The following FAM107A variants were observed in gnomAD, a reference collection of about 807,000 sequenced individuals.
FAM107A encodes the protein family with sequence similarity 107 member A.
Under a neutral mutation model 13.7 loss-of-function variants are expected in FAM107A, and 19 were observed. That is an observed-to-expected ratio of 1.38 (90% CI 0.97 to 2.03). FAM107A has a LOEUF of 2.03. Ranked by LOEUF, FAM107A falls within the 30% of genes most tolerant of loss-of-function variation. The pLI is 0.00. For synonymous variants in FAM107A, 82 were observed against 74.5 expected, an observed-to-expected ratio of 1.10 and a Z score of -0.52; for missense variants, 203 against 184.4, an observed-to-expected ratio of 1.10 and a Z score of -0.58.
chr3:58,597,186 GA>G (rs2065714484), intron 1 of FAM107A, among the ~76,000 whole-genome samples: 1 of 152,218 alleles, frequency 6.6e-6, no homozygotes, highest in African/African-American at 2.4e-5. Context: ...GGGTCAAAAT[GA>G]GTGCTCATTT....
chr3:58,606,284 C>T (rs186715176), intron 1 of FAM107A, among the ~76,000 whole-genome samples: 31 of 152,164 alleles, frequency 2.0e-4, no homozygotes, highest in Middle Eastern at 3.4e-3. Context: ...TTAGTAGAGG[C>T]GGGGTTTCAC....
chr3:58,612,516 G>T (rs929896142), intron 1 of FAM107A, among the ~76,000 whole-genome samples: 2 of 151,764 alleles, frequency 1.3e-5, no homozygotes, highest in African/African-American at 2.4e-5. Context: ...GGAGGTCGAG[G>T]CTGAAGTGAG....
chr3:58,574,011 G>A (rs562673037), intron 1 of FAM107A, among the ~76,000 whole-genome samples: 7 of 152,320 alleles, frequency 4.6e-5, no homozygotes, highest in East Asian at 1.9e-4. Flanking sequence ...CAAATGCCTC[G>A]TACAGAGTTG....
chr3:58,618,207 C>A (rs928362735), intron 1 of FAM107A, among the ~76,000 whole-genome samples: 1 of 152,162 alleles, frequency 6.6e-6, no homozygotes, highest in African/African-American at 2.4e-5. Flanking sequence ...AAGGCCTTGG[C>A]TTTTGGTGCA....
chr3:58,610,283 A>ACT (rs777482958), intron 1 of FAM107A, among the ~76,000 whole-genome samples: 260 of 152,026 alleles, frequency 1.7e-3, no homozygotes, highest in Non-Finnish European at 3.1e-3. Context: ...ATGGTAAGTA[A>ACT]CTCTCCCAAG....
chr3:58,569,485 G>A lies in FAM107A; in HGVS notation c.170+206C>T, dbSNP rs1395204941. 1.3e-5 allele frequency among the ~76,000 whole-genome samples: 2 copies of A among 152,210 alleles called. No homozygotes were observed. The highest frequency in any genetic ancestry group is 3.8e-4 in the East Asian group (2 of 5,196). On this transcript the variant is annotated intron_variant, in intron 2 of 3. Coordinates refer to ENST00000360997, the MANE Select transcript of FAM107A (RefSeq NM_001076778.3). The surrounding 1 kb of genome is among the most constrained non-coding windows in gnomAD (Gnocchi z 5.7). ...ATGGGTGGCTGGGCAAGAGAACAGG[G>A]CTTTTTGGTCCCTCTGGTTCCCAGG... is the stretch of plus-strand genomic sequence containing the variant.
intron 1 of FAM107A, among the ~76,000 whole-genome samples, chr3:58,572,591 C>T (rs573441339): frequency 1.9e-4 from 29 of 152,136 alleles, no homozygotes; most frequent in South Asian, 6.2e-4. Flanking sequence ...TGAGGGTGGA[C>T]GGGTGGGTTC....
At chr3:58,624,055 T>C (rs2106644664) in intron 1 of FAM107A, among the ~76,000 whole-genome samples, 1 of 152,296 alleles carries the variant, frequency 6.6e-6, no homozygotes, top group South Asian at 2.1e-4. Context: ...ATGAACTGGC[T>C]GGTGTCTGAG....
At chr3:58,570,583 CAGAGAGAGAGAG>C (rs371909507) in intron 1 of FAM107A, among the ~76,000 whole-genome samples, 2,656 of 91,066 alleles carry the variant, frequency 0.029, 80 homozygotes, top group East Asian at 0.13. Flanking sequence ...GCAAATACAG[CAGAGAGAGAGAG>C]AGAGAGAGAG....
intron 1 of FAM107A, among the ~76,000 whole-genome samples, chr3:58,614,871 T>C (rs1433796691): frequency 6.6e-6 from 1 of 152,108 alleles, no homozygotes; most frequent in Non-Finnish European, 1.5e-5. Context: ...AATGGCACGA[T>C]CTTGGCTCAC....
intron 1 of FAM107A, chr3:58,609,365 T>C (rs890410519): frequency 2.0e-5 from 3 of 152,176 alleles, no homozygotes; most frequent in Admixed American, 6.5e-5. Context: ...ATGTAGAAAG[T>C]GGAAAAAAAT....
chr3:58,618,832 T>C (rs1323850337), intron 1 of FAM107A, among the ~76,000 whole-genome samples: 22 of 151,824 alleles, frequency 1.4e-4, no homozygotes, highest in Admixed American at 1.4e-3. Flanking sequence ...GTTTGGGGTT[T>C]CTTCAATTCT....
intron 1 of FAM107A, among the ~76,000 whole-genome samples, chr3:58,596,457 G>A (rs2065708124): frequency 6.6e-6 from 1 of 152,112 alleles, no homozygotes; most frequent in Non-Finnish European, 1.5e-5. Flanking sequence ...GTGGGCAGAT[G>A]GCGTGAGCTC....
In FAM107A at chr3:58,617,185, C is replaced by T. The variant is rs532680721; in HGVS notation, c.-70+10231G>A. ...GCATGGGACCTTCACAGACGCTGGC[C>T]GGTTCAGGGCCTGCAGGTCTCAATG... On this transcript the variant is annotated intron_variant, in intron 1 of 3. Transcript: ENST00000465970. This position sits in a 1 kb window ranked among gnomAD's most constrained non-coding sequence, Gnocchi z 4.5. Among the ~76,000 whole-genome samples, 52 of 152,302 alleles carry T rather than the reference C, an allele frequency of 3.4e-4. No homozygotes were observed. In the East Asian group the frequency reaches 5.4e-3, roughly 16 times the overall value.
At chr3:58,568,318 C>A in intron 2 of FAM107A, among the ~76,000 whole-genome samples, 1 of 151,774 alleles carries the variant, frequency 6.6e-6, no homozygotes. Flanking sequence ...ACCTGTAGTC[C>A]CTGCTACTTG....
At chr3:58,622,127 G>C (rs1356171214) in intron 1 of FAM107A, among the ~76,000 whole-genome samples, 2 of 152,222 alleles carry the variant, frequency 1.3e-5, no homozygotes, top group African/African-American at 4.8e-5. Context: ...TTGCTGGGCT[G>C]TGGATGTGCT....
chr3:58,589,652 T>C (rs568720459), upstream of FAM107A, among the ~76,000 whole-genome samples: 2 of 152,350 alleles, frequency 1.3e-5, no homozygotes, highest in South Asian at 4.1e-4. Context: ...GTGCATTTGG[T>C]ACAATTAATA....
intron 1 of FAM107A, among the ~76,000 whole-genome samples, chr3:58,610,583 CA>C (rs138556726): frequency 0.048 from 7,347 of 152,286 alleles, 244 homozygotes; most frequent in Middle Eastern, 0.075. Flanking sequence ...ATGGGGATAA[CA>C]AAAGTGTTGC....
At chr3:58,612,458 T>C (rs956183938) in intron 1 of FAM107A, among the ~76,000 whole-genome samples, 5 of 151,866 alleles carry the variant, frequency 3.3e-5, no homozygotes, top group Non-Finnish European at 7.4e-5. Context: ...CACATACCTA[T>C]AGTATTAGCT....
Sources: gnomAD v4.1 joint callset for allele counts (sites outside exome capture counted in the v4.1 genomes callset) on GRCh38, gnomAD v4.1.1 for gene constraint, Gnocchi (gnomAD v3.1) non-coding constraint, MANE v1.5 for transcripts, NCBI Gene and HGNC (gene_info 2026-07-23, HGNC 2026-07-21) for gene names.